Variants in PRDM16 observed in about 807,000 individuals in gnomAD.
The protein encoded by PRDM16 is PR/SET domain 16.
In PRDM16, 23 loss-of-function variants were observed where a neutral mutation model predicts 110.6. That is an observed-to-expected ratio of 0.21 (90% CI 0.15 to 0.29). PRDM16 has a LOEUF of 0.29. Among genes scored for constraint, PRDM16 ranks in the 10% least tolerant of loss-of-function variants. The pLI, the probability that PRDM16 is intolerant of heterozygous loss-of-function variation, is 1.00. For missense variants in PRDM16, 1,615 were observed against 1,794.3 expected, an observed-to-expected ratio of 0.90 and a Z score of 1.81; for synonymous variants, 799 against 781.8, an observed-to-expected ratio of 1.02 and a Z score of -0.37.
At chr1:3,211,527 G>A (rs1638882811) in intron 2 of PRDM16, among the ~76,000 whole-genome samples, 1 of 152,220 alleles carries the variant, frequency 6.6e-6, no homozygotes, top group African/African-American at 2.4e-5. Context: ...GCAGATTCGT[G>A]TCTTGAAAAC....
At chr1:3,365,970 ACG>A (rs1219920471) in intron 3 of PRDM16, among the ~76,000 whole-genome samples, 2 of 151,892 alleles carry the variant, frequency 1.3e-5, no homozygotes, top group East Asian at 1.9e-4. Context: ...ATGCACACAC[ACG>A]CACACACGCA....
At chr1:3,240,076 G>A (rs1339646548) in intron 2 of PRDM16, among the ~76,000 whole-genome samples, 1 of 133,242 alleles carries the variant, frequency 7.5e-6, no homozygotes, top group African/African-American at 3.1e-5. Context: ...GAGAGGAGAG[G>A]AGAGGAGAGG....
intron 2 of PRDM16, among the ~76,000 whole-genome samples, chr1:3,197,854 G>A (rs1038703190): frequency 6.6e-6 from 1 of 152,176 alleles, no homozygotes; most frequent in Non-Finnish European, 1.5e-5. Context: ...TCAGGGACGA[G>A]GGTCAGGGGA....
At chr1:3,320,820 C>T (rs953867152) in intron 3 of PRDM16, among the ~76,000 whole-genome samples, 7 of 152,228 alleles carry the variant, frequency 4.6e-5, no homozygotes, top group Admixed American at 1.3e-4. Flanking sequence ...CTGAGCTACA[C>T]CTGCTCAGCT....
intron 1 of PRDM16, among the ~76,000 whole-genome samples, chr1:3,091,038 C>T (rs750490637): frequency 7.2e-5 from 11 of 152,352 alleles, no homozygotes; most frequent in Non-Finnish European, 1.3e-4. Flanking sequence ...AGACCTCAGC[C>T]GCAAACTCTC....
intron 2 of PRDM16, among the ~76,000 whole-genome samples, chr1:3,234,103 C>G (rs1036850574): frequency 2.0e-5 from 3 of 152,138 alleles, no homozygotes; most frequent in African/African-American, 7.2e-5. Context: ...TCCCGGTGTC[C>G]TGGGAGTGTG....
chr1:3,124,289 G>A (rs116697543), intron 1 of PRDM16, among the ~76,000 whole-genome samples: 2,989 of 152,284 alleles, frequency 0.02, 43 homozygotes, highest in South Asian at 0.045. Context: ...AAAAGGGAAA[G>A]GCCAAGGAAA....
At chr1:3,160,480 G>A (rs755113624) in intron 1 of PRDM16, among the ~76,000 whole-genome samples, 10 of 152,286 alleles carry the variant, frequency 6.6e-5, no homozygotes, top group Middle Eastern at 3.4e-3. Flanking sequence ...GGAAGGACAA[G>A]GACCCTCACA....
At chr1:3,302,990 G>A (rs1641238120) in intron 3 of PRDM16, among the ~76,000 whole-genome samples, 1 of 152,132 alleles carries the variant, frequency 6.6e-6, no homozygotes, top group Non-Finnish European at 1.5e-5. Flanking sequence ...AGGCTCAACT[G>A]TATAAATAAA....
chr1:3,108,222 A>G (rs543481916), intron 1 of PRDM16, among the ~76,000 whole-genome samples: 3 of 152,294 alleles, frequency 2.0e-5, no homozygotes, highest in Non-Finnish European at 4.4e-5. Flanking sequence ...TTAAAAATAA[A>G]CCCTTCCCTA....
At chr1:3,281,805 C>T (rs1183890750) in intron 3 of PRDM16, among the ~76,000 whole-genome samples, 3 of 152,220 alleles carry the variant, frequency 2.0e-5, no homozygotes, top group African/African-American at 7.2e-5. Context: ...GAGCTATGGT[C>T]CGATCGATGA....
intron 3 of PRDM16, among the ~76,000 whole-genome samples, chr1:3,320,026 CAG>C (rs1641703464): frequency 6.6e-6 from 1 of 152,174 alleles, no homozygotes; most frequent in Non-Finnish European, 1.5e-5. Context: ...CCCTAGAAAA[CAG>C]TGCCTGGGCC....
intron 1 of PRDM16, among the ~76,000 whole-genome samples, chr1:3,089,019 G>A (rs1642213446): frequency 6.6e-6 from 1 of 150,616 alleles, no homozygotes; most frequent in Non-Finnish European, 1.5e-5. Context: ...CTGACCTCAG[G>A]TAATCCACCC....
intron 3 of PRDM16, among the ~76,000 whole-genome samples, chr1:3,349,029 G>A (rs1182839624): frequency 6.6e-6 from 1 of 152,240 alleles, no homozygotes; most frequent in Non-Finnish European, 1.5e-5. Flanking sequence ...TGGTGGGGGT[G>A]GGGGCGGGGC....
chr1:3,180,860 G>A (rs28576654), intron 1 of PRDM16, among the ~76,000 whole-genome samples: 117,818 of 149,876 alleles, frequency 0.79, 47,164 homozygotes, highest in Non-Finnish European at 0.86. Context: ...GCAGTCTTAC[G>A]CACGGCCTTA....
At chr1:3,259,878 C>T (rs561593180) in intron 3 of PRDM16, among the ~76,000 whole-genome samples, 13 of 152,224 alleles carry the variant, frequency 8.5e-5, no homozygotes, top group African/African-American at 7.2e-5. Flanking sequence ...CAGCAGGTGC[C>T]GTCTGTGTGT....
At chr1:3,174,771 C>A (rs1302354467) in intron 1 of PRDM16, among the ~76,000 whole-genome samples, 1 of 152,176 alleles carries the variant, frequency 6.6e-6, no homozygotes, top group Non-Finnish European at 1.5e-5. Flanking sequence ...TTCCCAGGCT[C>A]TCCCGGGCCC....
At position 3,074,428 on chromosome 1, in the gene PRDM16, T is replaced by C. The variant is rs566289059; in HGVS notation, c.37+5132T>C. ...GGTTTTTTCTGTGTGTGTGTGTGTGTGCGCGTGTGTGTGTGCGTGTCAGGG... is the reference window on the plus strand; with the variant it reads ...GGTTTTTTCTGTGTGTGTGTGTGTGCGCGCGTGTGTGTGTGCGTGTCAGGG... On this transcript the variant is annotated intron_variant, in intron 1 of 16. Coordinates refer to ENST00000270722, the MANE Select transcript of PRDM16 (RefSeq NM_022114.4). Among the ~76,000 whole-genome samples, 39 of 151,682 alleles carry C rather than the reference T, an allele frequency of 2.6e-4. 1 individual carries two copies. The highest frequency in any genetic ancestry group is 4.2e-4 in the South Asian group (2 of 4,780).
chr1:3,315,102 C>T (rs1010763486), intron 3 of PRDM16, among the ~76,000 whole-genome samples: 7 of 150,786 alleles, frequency 4.6e-5, no homozygotes, highest in Admixed American at 4.0e-4. Context: ...GGGAGAGCAG[C>T]GAGACACTTG....
Sources: allele counts gnomAD v4.1 joint callset (sites outside exome capture counted in the v4.1 genomes callset), GRCh38; gene constraint gnomAD v4.1.1; transcripts MANE v1.5; gene names NCBI Gene and HGNC (gene_info 2026-07-23, HGNC 2026-07-21).